CSMD1: variants seen among roughly 807,000 people sequenced by gnomAD.
CSMD1 encodes CUB and Sushi multiple domains 1.
A neutral mutation model predicts 417.5 loss-of-function variants in CSMD1; 213 were observed. That is an observed-to-expected ratio of 0.51 (90% CI 0.46 to 0.57). The LOEUF (loss-of-function observed/expected upper bound fraction) is 0.57, where lower values mean the gene tolerates loss of function less well. CSMD1 is among the 20% of genes least tolerant of loss of function. The probability of loss-of-function intolerance (pLI) is 0.00; values close to 1 mark genes in which losing one functional copy is unlikely to be tolerated. For synonymous variants in CSMD1, 2,862 were observed against 1,736.8 expected (o/e 1.65, Z -16.11); for missense variants, 6,923 against 4,529.7 (o/e 1.53, Z -15.17).
intron 25 of CSMD1, among the ~76,000 whole-genome samples, chr8:3,299,185 C>CT (rs1176551267): frequency 6.6e-6 from 1 of 152,186 alleles, no homozygotes; most frequent in Non-Finnish European, 1.5e-5. Flanking sequence ...GGTATGGTGG[C>CT]TCACGCCTGT....
rs150854167 is a variant in CSMD1, at chr8:4,730,998, T to C, written c.86-93440A>G. Among the ~76,000 whole-genome samples, 855 of 152,210 alleles carry C rather than the reference T, an allele frequency of 5.6e-3. 7 individuals carry two copies. Among genetic ancestry groups the C allele is most frequent in the African/African-American group, 0.019 (798 of 41,528 alleles). On this transcript the variant is annotated intron_variant, in intron 1 of 69. Coordinates refer to ENST00000635120, the MANE Select transcript of CSMD1 (RefSeq NM_033225.6). ...TTTAGGAAGGCTTGGGAGTTCTATG[T>C]CATGGTTTTAAAGTTCTAGGCCCAA...
intron 1 of CSMD1, among the ~76,000 whole-genome samples, chr8:4,775,862 T>C (rs1175885649): frequency 6.6e-6 from 1 of 152,164 alleles, no homozygotes; most frequent in East Asian, 1.9e-4. Flanking sequence ...TTCTTCAATG[T>C]AATGTACCAT....
At chr8:4,867,009 T>C (rs1386445072) in intron 1 of CSMD1, among the ~76,000 whole-genome samples, 1 of 152,056 alleles carries the variant, frequency 6.6e-6, no homozygotes, top group African/African-American at 2.4e-5. Context: ...TACTACTCAA[T>C]TCTCGGCAGG....
intron 5 of CSMD1, among the ~76,000 whole-genome samples, chr8:3,803,030 C>G (rs1383357873): frequency 6.6e-6 from 1 of 151,976 alleles, no homozygotes; most frequent in African/African-American, 2.4e-5. Flanking sequence ...ACAATGAAAT[C>G]CAGAAAAAAA....
At chr8:3,954,583 G>A (rs913453240) in intron 5 of CSMD1, among the ~76,000 whole-genome samples, 14 of 152,222 alleles carry the variant, frequency 9.2e-5, no homozygotes, top group Non-Finnish European at 7.3e-5. Context: ...TGCTCAGGCT[G>A]GAACGCCTGA....
intron 12 of CSMD1, among the ~76,000 whole-genome samples, chr8:3,458,758 T>C (rs563744998): frequency 1.9e-3 from 286 of 152,316 alleles, no homozygotes; most frequent in South Asian, 4.6e-3. Flanking sequence ...TATCTTTGGT[T>C]ACTAAATGGC....
At chr8:3,265,486 C>A (rs1585854095) in intron 26 of CSMD1, among the ~76,000 whole-genome samples, 1 of 152,086 alleles carries the variant, frequency 6.6e-6, no homozygotes, top group East Asian at 1.9e-4. Context: ...TTAACCGCAA[C>A]CTGTCATGAG....
intron 3 of CSMD1, among the ~76,000 whole-genome samples, chr8:4,142,483 A>T (rs1237992211): frequency 6.6e-6 from 1 of 151,306 alleles, no homozygotes. Flanking sequence ...TTATTTGCTA[A>T]ATTCACAAGC....
intron 1 of CSMD1, among the ~76,000 whole-genome samples, chr8:4,945,946 G>A (rs1164157816): frequency 6.6e-6 from 1 of 152,180 alleles, no homozygotes; most frequent in Non-Finnish European, 1.5e-5. Context: ...TGGGAGCTAT[G>A]TGCAAGAAAG....
chr8:4,686,372 T>G (rs1264865824), intron 1 of CSMD1, among the ~76,000 whole-genome samples: 3 of 152,212 alleles, frequency 2.0e-5, no homozygotes, highest in Non-Finnish European at 4.4e-5. Flanking sequence ...ACTCTGACAT[T>G]TGAGAAAACT....
chr8:4,755,210 T>C (rs1433886552), intron 1 of CSMD1, among the ~76,000 whole-genome samples: 3 of 152,188 alleles, frequency 2.0e-5, no homozygotes, highest in African/African-American at 7.2e-5. Context: ...AAATCTCATG[T>C]CCACGCAGTA....
At chr8:3,591,106 G>C (rs931704039) in intron 8 of CSMD1, among the ~76,000 whole-genome samples, 9 of 152,160 alleles carry the variant, frequency 5.9e-5, no homozygotes, top group Non-Finnish European at 1.2e-4. Flanking sequence ...GCACAACTGA[G>C]ACAATTGTTA....
chr8:3,663,783 T>C (rs1798543260), intron 7 of CSMD1, among the ~76,000 whole-genome samples: 1 of 152,314 alleles, frequency 6.6e-6, no homozygotes, highest in South Asian at 2.1e-4. Context: ...TGCTGATTGA[T>C]GTCTCATGTC....
chr8:4,162,625 T>G lies in CSMD1; in HGVS notation c.416-130526A>C, dbSNP rs574159049. On this transcript the variant is annotated intron_variant, in intron 3 of 69. Coordinates refer to ENST00000635120, the MANE Select transcript of CSMD1 (RefSeq NM_033225.6). Reference sequence around the variant, plus strand: ...AGTTTTTCTAGGTTCACAAAAAACATTGAGTAGAAGGTACACTGATATGTC... The same window carrying G: ...AGTTTTTCTAGGTTCACAAAAAACAGTGAGTAGAAGGTACACTGATATGTC... 7.9e-5 allele frequency among the ~76,000 whole-genome samples: 12 copies of G among 152,292 alleles called. No homozygotes were observed. The East Asian group carries it at 2.3e-3, about 29-fold the overall frequency.
intron 2 of CSMD1, among the ~76,000 whole-genome samples, chr8:4,558,165 G>A (rs1314255707): frequency 6.6e-6 from 1 of 152,116 alleles, no homozygotes; most frequent in Non-Finnish European, 1.5e-5. Flanking sequence ...TGGGAAAAGA[G>A]TAACTACAAA....
chr8:4,045,599 T>C (rs994375358), intron 3 of CSMD1, among the ~76,000 whole-genome samples: 3 of 152,168 alleles, frequency 2.0e-5, no homozygotes, highest in Admixed American at 2.0e-4. Context: ...AACTCAAGAA[T>C]GTTCCTGCTA....
At chr8:4,463,980 T>G (rs1799997458) in intron 2 of CSMD1, among the ~76,000 whole-genome samples, 1 of 152,120 alleles carries the variant, frequency 6.6e-6, no homozygotes, top group African/African-American at 2.4e-5. Context: ...GAAATTCCAT[T>G]TAGCTATAAG....
intron 49 of CSMD1, among the ~76,000 whole-genome samples, chr8:3,078,140 G>T (rs892203116): frequency 1.3e-5 from 2 of 152,174 alleles, no homozygotes; most frequent in African/African-American, 4.8e-5. Context: ...CCACTCTTAT[G>T]CATAGGACCC....
intron 3 of CSMD1, among the ~76,000 whole-genome samples, chr8:4,052,136 G>T (rs1287863849): frequency 6.6e-6 from 1 of 151,932 alleles, no homozygotes; most frequent in African/African-American, 2.4e-5. Flanking sequence ...TGTTGGTCAG[G>T]GTGGTCTCGA....
Sources: gnomAD v4.1 joint callset for allele counts (sites outside exome capture counted in the v4.1 genomes callset) on GRCh38, gnomAD v4.1.1 for gene constraint, MANE v1.5 for transcripts, NCBI Gene and HGNC (gene_info 2026-07-23, HGNC 2026-07-21) for gene names.